Variants in ENTPD7 observed in about 807,000 individuals in gnomAD.
ENTPD7 encodes the protein ectonucleoside triphosphate diphosphohydrolase 7.
Under a neutral mutation model 77.9 loss-of-function variants are expected in ENTPD7, and 53 were observed. The observed-to-expected ratio is 0.68, with a 90% CI of 0.55 to 0.85. ENTPD7 has a LOEUF of 0.85. ENTPD7 is among the 40% of genes least tolerant of loss of function. The pLI, the probability that ENTPD7 is intolerant of heterozygous loss-of-function variation, is 0.00. For missense variants in ENTPD7, 636 were observed against 743.7 expected (o/e 0.86, Z 1.68); for synonymous variants, 248 against 274.9 (o/e 0.90, Z 0.97).
chr10:99,701,150 A>C, intron 11 of ENTPD7, 92 bp downstream of exon 11: 1 of 1,116,792 alleles, frequency 9.0e-7, no homozygotes, highest in South Asian at 1.3e-5. Context: ...ATTAGATTTC[A>C]TGTTGAGGGA....
rs556423260 is a variant in ENTPD7, at chr10:99,678,360, T to C, written c.192-901T>C. Reference sequence around the variant, plus strand: ...GCGGGTGCCTGTAGTCCCAGCTACTTGGGAGGCTGAGGCAGGAGAATGGCA... The same window carrying C: ...GCGGGTGCCTGTAGTCCCAGCTACTCGGGAGGCTGAGGCAGGAGAATGGCA... On this transcript the variant is annotated intron_variant, in intron 3 of 12. Transcript: ENST00000370489. Among the ~76,000 whole-genome samples, 495 of 151,478 alleles carry C rather than the reference T, an allele frequency of 3.3e-3. 3 individuals carry two copies. Among genetic ancestry groups the C allele is most frequent in the African/African-American group, 0.011 (472 of 41,326 alleles).
intron 11 of ENTPD7, among the ~76,000 whole-genome samples, chr10:99,701,377 T>TC (rs1243347002): frequency 6.6e-6 from 1 of 151,670 alleles, no homozygotes; most frequent in Non-Finnish European, 1.5e-5. Flanking sequence ...AACCTCCGCC[T>TC]CCTGGGTTCC....
chr10:99,703,562 G>T (rs1260709717), intron 12 of ENTPD7, among the ~76,000 whole-genome samples: 1 of 152,178 alleles, frequency 6.6e-6, no homozygotes, highest in Non-Finnish European at 1.5e-5. Context: ...AACTAGATCT[G>T]GATCTGGACT....
At position 99,707,795 on chromosome 10, in the gene ENTPD7, T is replaced by A. The variant is rs1273795690; in HGVS notation, c.*3112T>A. Among the ~76,000 whole-genome samples the A allele has an allele frequency of 1.3e-5, 2 of 152,208 alleles. No homozygotes were observed. The highest frequency in any genetic ancestry group is 4.8e-5 in the African/African-American group (2 of 41,448). On this transcript the variant is annotated 3_prime_UTR_variant, in exon 13 of 13. Transcript: ENST00000370489. ...AATGAAAAATATGTAAAATACCCAT[T>A]TATGTGGCATTTCATTCACTTAAGT...
intron 8 of ENTPD7, among the ~76,000 whole-genome samples, chr10:99,694,830 C>G (rs111788319): frequency 0.013 from 1,967 of 152,262 alleles, 39 homozygotes; most frequent in Admixed American, 0.052. Context: ...AGCCACCATG[C>G]CCACCCCAGT....
At position 99,659,794 on chromosome 10, in the gene ENTPD7, G is replaced by C; in HGVS notation, c.-95-68G>C. ...GGAGCCTGGGGAGGAGGTGGGAGCC[G>C]TGGAATTCCCGTGCAGGTTTGTCTC... On this transcript the variant is annotated intron_variant, in intron 1 of 12. Transcript: ENST00000370489. The surrounding 1 kb of genome is among the most constrained non-coding windows in gnomAD (Gnocchi z 4.1). 1.1e-6 allele frequency: 1 copy of C among 927,176 alleles called. No individual in the cohort carries two copies. Among genetic ancestry groups the C allele is most frequent in the East Asian group, 2.7e-5 (1 of 36,434 alleles). The allele number at this position is 927,176 out of a possible 1,614,324, so 57.4% of individuals were successfully genotyped here.
In ENTPD7 at chr10:99,709,196, G is replaced by A. The variant is rs138423739; in HGVS notation, c.*4513G>A. Reference sequence around the variant, plus strand: ...TGCCTATTACATCTACCTCATTAAAGAACTTCGTTGTAATTCTTGGGCAGT... The same window carrying A: ...TGCCTATTACATCTACCTCATTAAAAAACTTCGTTGTAATTCTTGGGCAGT... On this transcript the variant is annotated 3_prime_UTR_variant, in exon 13 of 13. Coordinates refer to ENST00000370489, the MANE Select transcript of ENTPD7 (RefSeq NM_020354.5). The A allele has an allele frequency of 3.2e-3, 3,182 of 985,348 alleles. 84 individuals are homozygous for A. In the African/African-American group the frequency reaches 0.05, roughly 15 times the overall value. The allele number at this position is 985,348 out of a possible 1,614,324, so 61.0% of individuals were successfully genotyped here.
At chr10:99,675,398 A>G (rs541897604) in intron 3 of ENTPD7, among the ~76,000 whole-genome samples, 1 of 152,146 alleles carries the variant, frequency 6.6e-6, no homozygotes, top group African/African-American at 2.4e-5. Context: ...TCAGTGAACC[A>G]ATTATTTTCC....
Position 99,698,571 on chromosome 10 carries a change from C to T in ENTPD7, c.1048C>T (p.Pro350Ser). Residue 350 changes from proline to serine, a missense_variant, in exon 10 of 13, where the codon CCA becomes TCA. Pro to Ser is a moderately conservative substitution (Grantham distance 74, BLOSUM62 -1). Around this residue, in one of 3 missense-constraint regions of ENTPD7, gnomAD observed 486 missense variants for 556.5 expected, o/e 0.87. Coordinates refer to ENST00000370489, the MANE Select transcript of ENTPD7 (RefSeq NM_020354.5). ...GAAGACAGGTCTGAGTCCCGACAAT[C>T]CATTTCTGGATCCCTGCCTGCCAGT... ...GQKTGLSPDNPFLDPCLPVGL... is the reference protein window; with the variant it reads ...GQKTGLSPDNSFLDPCLPVGL... 2 of 1,614,150 alleles carry T rather than the reference C, an allele frequency of 1.2e-6. No homozygotes were observed. Among genetic ancestry groups the T allele is most frequent in the Middle Eastern group, 1.6e-4 (1 of 6,062 alleles).
At chr10:99,668,227 G>A (rs1446211133) in intron 3 of ENTPD7, among the ~76,000 whole-genome samples, 1 of 152,004 alleles carries the variant, frequency 6.6e-6, no homozygotes, top group East Asian at 1.9e-4. Context: ...GAGCCACCAT[G>A]CCTGGCCATT....
chr10:99,695,007 G>A (rs771333925), intron 8 of ENTPD7, among the ~76,000 whole-genome samples: 4 of 152,146 alleles, frequency 2.6e-5, no homozygotes, highest in Admixed American at 6.5e-5. Context: ...GCAGAGAATG[G>A]AATGAGATTA....
In ENTPD7 at chr10:99,691,506, T is replaced by TC; in HGVS notation, c.833dup (p.Ala279CysfsTer13). On this transcript the variant is annotated frameshift_variant, in exon 8 of 13. Coordinates refer to ENST00000370489, the MANE Select transcript of ENTPD7 (RefSeq NM_020354.5). LOFTEE classifies it high-confidence loss of function. ...AAGTTCCTACCTCAACCTCTGTCCTTCCTGCAAAGCAGGTACTTTACCTTT... is the reference window on the plus strand; with the variant it reads ...AAGTTCCTACCTCAACCTCTGTCCTTCCCTGCAAAGCAGGTACTTTACCTTT... The TC allele has an allele frequency of 6.2e-7, 1 of 1,613,728 alleles. No homozygotes were observed. Among genetic ancestry groups the TC allele is most frequent in the South Asian group, 1.1e-5 (1 of 91,066 alleles).
intron 3 of ENTPD7, among the ~76,000 whole-genome samples, chr10:99,662,090 G>T (rs1344433030): frequency 6.6e-6 from 1 of 152,118 alleles, no homozygotes; most frequent in African/African-American, 2.4e-5. Flanking sequence ...TGGGCTTCTT[G>T]TAGTCAGTGT....
intron 5 of ENTPD7, among the ~76,000 whole-genome samples, chr10:99,682,774 G>A (rs1352518028): frequency 3.3e-5 from 5 of 152,108 alleles, no homozygotes; most frequent in Non-Finnish European, 4.4e-5. Flanking sequence ...GAATATAGAT[G>A]ACACAAGAGC....
chr10:99,661,500 G>A lies in ENTPD7; in HGVS notation c.63G>A (p.Val21=), dbSNP rs750001654. Residue 21 remains valine (V), a synonymous_variant, in exon 3 of 13, where the codon GTG becomes GTA. Coordinates refer to ENST00000370489, the MANE Select transcript of ENTPD7 (RefSeq NM_020354.5). The part of the protein sequence containing the change: ...PASWYFTVPT[V]SPFLRQRVAF... ...CCTGGTACTTCACTGTGCCCACAGT[G>A]AGTCCATTTCTCCGTCAGCGGGTGG... is the stretch of plus-strand genomic sequence containing the variant. 5.6e-6 allele frequency: 9 copies of A among 1,613,848 alleles called. No individual in the cohort carries two copies. The highest frequency in any genetic ancestry group is 6.8e-6 in the Non-Finnish European group (8 of 1,179,908).
intron 8 of ENTPD7, 126 bp downstream of exon 8, chr10:99,691,644 G>A (rs1045722254): frequency 4.0e-5 from 40 of 997,688 alleles, no homozygotes; most frequent in African/African-American, 1.8e-4. Flanking sequence ...GCTAGCTTGC[G>A]TTATCTTGAG....
chr10:99,662,920 G>A (rs1018907497), intron 3 of ENTPD7, among the ~76,000 whole-genome samples: 3 of 152,234 alleles, frequency 2.0e-5, no homozygotes, highest in Admixed American at 6.5e-5. Flanking sequence ...CACCAAGGTT[G>A]ACATGTTCTT....
At chr10:99,672,985 T>A (rs1413121307) in intron 3 of ENTPD7, among the ~76,000 whole-genome samples, 1 of 152,216 alleles carries the variant, frequency 6.6e-6, no homozygotes, top group Non-Finnish European at 1.5e-5. Context: ...TTCAGGATAA[T>A]GGCAGTGAAA....
At chr10:99,681,791 T>G (rs2035757423) in intron 5 of ENTPD7, among the ~76,000 whole-genome samples, 1 of 152,198 alleles carries the variant, frequency 6.6e-6, no homozygotes, top group South Asian at 2.1e-4. Context: ...TGACTAGGGA[T>G]GTTGAGCAAC....
Sources: gnomAD v4.1 joint callset for allele counts (sites outside exome capture counted in the v4.1 genomes callset) on GRCh38, gnomAD v4.1.1 for gene constraint, gnomAD v4.1.1 regional missense constraint, Gnocchi (gnomAD v3.1) non-coding constraint, MANE v1.5 for transcripts, NCBI Gene and HGNC (gene_info 2026-07-23, HGNC 2026-07-21) for gene names.